Variants in TBX5 observed in about 807,000 individuals in gnomAD.
The protein encoded by TBX5 is T-box transcription factor 5.
In TBX5, 8 loss-of-function variants were observed where a neutral mutation model predicts 51.1. The observed-to-expected ratio is 0.16, with a 90% CI of 0.09 to 0.28. The LOEUF is 0.28. TBX5 is among the 10% of genes least tolerant of loss of function. The pLI is 1.00. For missense variants in TBX5, 589 were observed against 671.7 expected (o/e 0.88, Z 1.36); for synonymous variants, 302 against 266.4 (o/e 1.13, Z -1.30).
At chr12:114,369,024 AAAG>A (rs1869712373) in intron 7 of TBX5, among the ~76,000 whole-genome samples, 1 of 152,216 alleles carries the variant, frequency 6.6e-6, no homozygotes, top group African/African-American at 2.4e-5. Flanking sequence ...AAAAAAAGAA[AAAG>A]AAGAAAAATT....
chr12:114,356,062 T>C lies in TBX5; in HGVS notation c.1027A>G (p.Met343Val). Residue 343 changes from methionine (M) to valine (V), a missense_variant, in exon 9 of 9, where the codon ATG (methionine) becomes GTG (valine). Physicochemically the swap from Met to Val is conservative, Grantham distance 21. Coordinates refer to ENST00000405440, the MANE Select transcript of TBX5 (RefSeq NM_181486.4). Reference protein sequence around the residue: ...TTDHPYKKPYMETSPSEEDSF... With the variant: ...TTDHPYKKPYVETSPSEEDSF... ...TCTTCTTCACTGGGTGATGTCTCCA[T>C]GTAGGGCTTCTTATAGGGATGGTCT... 1 of 1,613,870 alleles carries C rather than the reference T, an allele frequency of 6.2e-7. No individual in the cohort carries two copies. Among genetic ancestry groups the C allele is most frequent in the Non-Finnish European group, 8.5e-7 (1 of 1,180,038 alleles).
chr12:114,366,829 C>CA (rs1869566034), intron 7 of TBX5, among the ~76,000 whole-genome samples: 1 of 152,112 alleles, frequency 6.6e-6, no homozygotes, highest in Non-Finnish European at 1.5e-5. Flanking sequence ...GGTCATTGCC[C>CA]AAAGTTAGTA....
At chr12:114,375,169 T>C (rs1870121069) in intron 7 of TBX5, among the ~76,000 whole-genome samples, 2 of 152,230 alleles carry the variant, frequency 1.3e-5, no homozygotes, top group Non-Finnish European at 2.9e-5. Flanking sequence ...TGGGCTTTGT[T>C]TGCAGAAATA....
chr12:114,366,390 T>C lies in TBX5; in HGVS notation c.757A>G (p.Lys253Glu). ...ELHRMSRMQS[K>E]EYPVVPRSTV... is the part of the protein sequence containing the mutation. Reference sequence around the variant, plus strand: ...CTCCTGGGGACCACGGGATATTCTTTACTGAAAGAGAAAAGATGGGAGATA... The same window carrying C: ...CTCCTGGGGACCACGGGATATTCTTCACTGAAAGAGAAAAGATGGGAGATA... The change falls in exon 8 of 9, where the codon AAA (lysine) becomes GAA (glutamate). Residue 253 changes from lysine (K) to glutamate (E), a missense_variant and splice_region_variant. Around this residue, in one of 7 missense-constraint regions of TBX5, gnomAD observed 348 missense variants for 360.4 expected, o/e 0.97. Coordinates refer to ENST00000405440, the MANE Select transcript of TBX5 (RefSeq NM_181486.4). The C allele has an allele frequency of 6.2e-7, 1 of 1,614,090 alleles. No homozygotes were observed. Among genetic ancestry groups the C allele is most frequent in the Non-Finnish European group, 8.5e-7 (1 of 1,180,012 alleles).
chr12:114,360,714 AGTGGGTGGATGG>A (rs1029242413), intron 8 of TBX5, among the ~76,000 whole-genome samples: 1 of 113,476 alleles, frequency 8.8e-6, no homozygotes, highest in Non-Finnish European at 1.8e-5. Context: ...TGAATGAGTG[AGTGGGTGGATGG>A]GTGGGTGGAT....
At chr12:114,374,661 A>C (rs1292648178) in intron 7 of TBX5, among the ~76,000 whole-genome samples, 2 of 152,184 alleles carry the variant, frequency 1.3e-5, no homozygotes, top group Admixed American at 6.5e-5. Flanking sequence ...GGAATGTTCT[A>C]TATTTGGATA....
At chr12:114,368,276 A>C (rs986371027) in intron 7 of TBX5, among the ~76,000 whole-genome samples, 1 of 152,210 alleles carries the variant, frequency 6.6e-6, no homozygotes, top group African/African-American at 2.4e-5. Context: ...TTGAGGCTGC[A>C]GTGAGCTATG....
At chr12:114,407,751 C>T (rs2136430497), upstream of TBX5, 2 of 985,366 alleles carry the variant, frequency 2.0e-6, no homozygotes, top group East Asian at 1.1e-4. Flanking sequence ...GGTGAAAAGC[C>T]AAGGAGGGCC....
At position 114,403,881 on chromosome 12, in the gene TBX5, C is replaced by G; in HGVS notation, c.18G>C (p.Glu6Asp). The change falls in exon 2 of 9, where the codon GAG becomes GAC. Residue 6 changes from glutamate (E) to aspartate (D), a missense_variant. Glu to Asp is a conservative substitution (Grantham distance 45, BLOSUM62 2). This residue lies in a region of TBX5 where 101 missense variants were observed against 83.3 expected (regional missense o/e 1.21). Transcript: ENST00000405440. MADAD[E>D]GFGLAHTPLE... ...GAGGCGTGTGCGCCAGGCCAAAGCC[C>G]TCGTCTGCGTCGGCCATGGTGCGCC... The G allele has an allele frequency of 6.2e-7, 1 of 1,613,246 alleles. No individual in the cohort carries two copies. The highest frequency in any genetic ancestry group is 8.5e-7 in the Non-Finnish European group (1 of 1,179,932).
intron 6 of TBX5, among the ~76,000 whole-genome samples, chr12:114,392,542 A>C (rs1895610): frequency 0.58 from 88,872 of 151,944 alleles, 26,597 homozygotes; most frequent in Admixed American, 0.72. Flanking sequence ...AGGACCTGAG[A>C]ATTCAGATGG....
intron 7 of TBX5, among the ~76,000 whole-genome samples, chr12:114,384,973 T>C (rs1272635876): frequency 6.6e-6 from 1 of 152,064 alleles, no homozygotes; most frequent in Non-Finnish European, 1.5e-5. Flanking sequence ...TATGTAAAAA[T>C]ACCGAGCAAT....
In TBX5 at chr12:114,395,847, C is replaced by T. The variant is rs544913736; in HGVS notation, c.511-954G>A. Among the ~76,000 whole-genome samples the T allele has an allele frequency of 2.5e-3, 386 of 152,254 alleles. 1 individual carries two copies. Among genetic ancestry groups the T allele is most frequent in the African/African-American group, 8.9e-3 (368 of 41,562 alleles). ...ATTAGGAAGAGGAGGAGGAGGAGGACTTCCAGGCTGCACGTTCTTGCTGGA... is the reference window on the plus strand; with the variant it reads ...ATTAGGAAGAGGAGGAGGAGGAGGATTTCCAGGCTGCACGTTCTTGCTGGA... On this transcript the variant is annotated intron_variant, in intron 5 of 8. Coordinates refer to ENST00000405440, the MANE Select transcript of TBX5 (RefSeq NM_181486.4).
intron 6 of TBX5, 48 bp downstream of exon 6, chr12:114,394,693 A>G (rs1347610757): frequency 6.2e-7 from 1 of 1,613,178 alleles, no homozygotes; most frequent in Non-Finnish European, 8.5e-7. Context: ...TTCATGCAAA[A>G]GAAAGAGCAG....
At chr12:114,371,273 C>T (rs577751300) in intron 7 of TBX5, among the ~76,000 whole-genome samples, 7 of 152,308 alleles carry the variant, frequency 4.6e-5, no homozygotes, top group Admixed American at 1.3e-4. Context: ...CTGGGACCCC[C>T]GACCCCAACA....
chr12:114,387,053 C>A (rs563211949), intron 6 of TBX5, among the ~76,000 whole-genome samples: 32 of 152,042 alleles, frequency 2.1e-4, no homozygotes, highest in Non-Finnish European at 2.9e-5. Flanking sequence ...TTGCAGTGAG[C>A]CGAGATCACA....
Position 114,394,783 on chromosome 12 carries a change from A to T in TBX5, c.621T>A (p.Pro207=). The T allele has an allele frequency of 1.2e-6, 2 of 1,614,212 alleles. No homozygotes were observed. The highest frequency in any genetic ancestry group is 1.7e-6 in the Non-Finnish European group (2 of 1,180,028). Residue 207 remains proline, a synonymous_variant, in exon 6 of 9, where the codon CCT becomes CCA. Transcript: ENST00000405440. ...KNTAFCTHVF[P]ETAFIAVTSY... is the part of the protein sequence containing the mutation. ...AAGTCACTGCTATAAACGCAGTCTC[A>T]GGAAAGACGTGAGTGCAGAACGCTG...
chr12:114,395,934 G>C (rs1356892447), intron 5 of TBX5, among the ~76,000 whole-genome samples: 2 of 152,116 alleles, frequency 1.3e-5, no homozygotes, highest in Admixed American at 6.5e-5. Context: ...TTCTGATGAC[G>C]CTAGTATTTA....
rs1870978587 is a variant in TBX5, at chr12:114,388,759, GT to G, written c.664-3193del. ...TCAACCTTTTTTTTTTTTTTTTTAG[GT>G]TTTCGGAGTGACAGAGTCTCACTAT... On this transcript the variant is annotated intron_variant, in intron 6 of 8. Transcript: ENST00000405440. Among the ~76,000 whole-genome samples the G allele has an allele frequency of 8.7e-5, 8 of 92,274 alleles. No homozygotes were observed. In the South Asian group the frequency reaches 3.1e-3, roughly 36 times the overall value. The allele number at this position is 92,274 out of a possible 152,430, so 60.5% of individuals were successfully genotyped here. A position where few individuals can be genotyped will look rare whatever the true frequency, so the allele number is the denominator to read the frequency against.
chr12:114,359,378 T>G (rs1031126523), intron 8 of TBX5, among the ~76,000 whole-genome samples: 14 of 152,202 alleles, frequency 9.2e-5, no homozygotes, highest in African/African-American at 3.1e-4. Context: ...TTTTTTCTCT[T>G]CTTTGAGAGC....
Sources: gnomAD v4.1 joint callset for allele counts (sites outside exome capture counted in the v4.1 genomes callset) on GRCh38, gnomAD v4.1.1 for gene constraint, gnomAD v4.1.1 regional missense constraint, MANE v1.5 for transcripts, NCBI Gene and HGNC (gene_info 2026-07-23, HGNC 2026-07-21) for gene names.